Variants in CCDC171 observed in about 807,000 individuals in gnomAD.
The protein encoded by CCDC171 is coiled-coil domain containing 171, also known as coiled-coil domain-containing protein 171.
In CCDC171, 177 loss-of-function variants were observed where a neutral mutation model predicts 168.2. The ratio of observed to expected loss-of-function variants is 1.05; its 90% CI spans 0.93 to 1.19. The LOEUF is 1.19. Among genes scored for constraint, CCDC171 ranks in the 50% most tolerant of loss-of-function variants. The pLI is 0.00. For missense variants in CCDC171, 1,991 were observed against 1,539.0 expected (o/e 1.29, Z -4.91); for synonymous variants, 687 against 540.8 (o/e 1.27, Z -3.75).
At chr9:15,769,187 A>G (rs991942340) in intron 18 of CCDC171, among the ~76,000 whole-genome samples, 1 of 152,248 alleles carries the variant, frequency 6.6e-6, no homozygotes, top group Non-Finnish European at 1.5e-5. Context: ...ATTTCTTAGA[A>G]GATGCAGAAG....
chr9:15,623,733 G>A (rs530663090), intron 7 of CCDC171, among the ~76,000 whole-genome samples: 28 of 152,224 alleles, frequency 1.8e-4, no homozygotes, highest in Admixed American at 9.2e-4. Flanking sequence ...TTATTAGGTT[G>A]AGAAAGCAAC....
At position 15,821,672 on chromosome 9, in the gene CCDC171, G is replaced by T. The variant is rs1464740072; in HGVS notation, c.3268-25030G>T. ...AGGAGAACTACAAACCACTGCTCAAGGAAATAAAAGAGGATTCAAACAAAT... is the reference window on the plus strand; with the variant it reads ...AGGAGAACTACAAACCACTGCTCAATGAAATAAAAGAGGATTCAAACAAAT... On this transcript the variant is annotated intron_variant, in intron 21 of 25. Coordinates refer to ENST00000380701, the MANE Select transcript of CCDC171 (RefSeq NM_173550.4). Among the ~76,000 whole-genome samples the T allele has an allele frequency of 1.7e-5, 2 of 116,210 alleles. 1 individual carries two copies. The highest frequency in any genetic ancestry group is 3.8e-5 in the Non-Finnish European group (2 of 51,988). 76.2% of individuals were successfully genotyped at this position (116,210 alleles called of 152,430 possible).
intron 3 of CCDC171, among the ~76,000 whole-genome samples, chr9:16,014,547 A>T (rs930308226): frequency 6.6e-6 from 1 of 152,192 alleles, no homozygotes; most frequent in Non-Finnish European, 1.5e-5. Context: ...GCCCAGATCC[A>T]TCAGGGGAAT....
At chr9:15,658,591 A>C (rs1286361152) in intron 8 of CCDC171, among the ~76,000 whole-genome samples, 2 of 152,188 alleles carry the variant, frequency 1.3e-5, no homozygotes, top group Non-Finnish European at 2.9e-5. Flanking sequence ...GTCCCAGTTT[A>C]TCTAGTTGAG....
Position 15,801,861 on chromosome 9 carries a change from C to T in CCDC171, c.3267+17167C>T, listed in dbSNP as rs539909281. Among the ~76,000 whole-genome samples the T allele has an allele frequency of 1.2e-3, 176 of 152,100 alleles. 1 individual carries two copies. Among genetic ancestry groups the T allele is most frequent in the Middle Eastern group, 3.4e-3 (1 of 294 alleles). ...GTTGAATTTTATCAAATGCTTCTGTCAGCATCAATTGAAATGATTATATGG... is the reference window on the plus strand; with the variant it reads ...GTTGAATTTTATCAAATGCTTCTGTTAGCATCAATTGAAATGATTATATGG... On this transcript the variant is annotated intron_variant, in intron 21 of 25. Transcript: ENST00000380701.
At chr9:16,058,631 C>A (rs1309134715) in intron 1 of CCDC171, among the ~76,000 whole-genome samples, 6 of 152,160 alleles carry the variant, frequency 3.9e-5, no homozygotes, top group Admixed American at 2.0e-4. Context: ...CACAAAGAGA[C>A]CTTGTAATAG....
chr9:15,985,520 A>C (rs1831957934), intron 3 of CCDC171, among the ~76,000 whole-genome samples: 1 of 152,194 alleles, frequency 6.6e-6, no homozygotes, highest in Non-Finnish European at 1.5e-5. Context: ...AATTTCCAAA[A>C]ATGACCTATT....
At chr9:15,909,722 A>C (rs1823329597) in intron 24 of CCDC171, among the ~76,000 whole-genome samples, 1 of 152,200 alleles carries the variant, frequency 6.6e-6, no homozygotes. Context: ...TAAGTCTAAT[A>C]AATGAGCAAC....
At chr9:15,914,542 G>T (rs535813687) in intron 24 of CCDC171, among the ~76,000 whole-genome samples, 4 of 152,166 alleles carry the variant, frequency 2.6e-5, no homozygotes, top group African/African-American at 4.8e-5. Flanking sequence ...TGCTGTGCTG[G>T]CAGCGAGAAT....
At chr9:15,963,153 G>A (rs1057100296) in intron 25 of CCDC171, among the ~76,000 whole-genome samples, 1 of 152,022 alleles carries the variant, frequency 6.6e-6, no homozygotes, top group Non-Finnish European at 1.5e-5. Flanking sequence ...GACACAGGAA[G>A]GGGAACATCA....
Position 15,787,966 on chromosome 9 carries a change from T to C in CCDC171, c.3267+3272T>C, listed in dbSNP as rs202090355. Among the ~76,000 whole-genome samples the C allele has an allele frequency of 1.3e-4, 20 of 152,222 alleles. 1 individual carries two copies. The highest frequency in any genetic ancestry group is 4.6e-4 in the African/African-American group (19 of 41,460). ...GCTTTGGAAAAGCATCTTTGTCATT[T>C]TGAAGTCTTTTTCTCTGTTATAGTT... On this transcript the variant is annotated intron_variant, in intron 21 of 25. Coordinates refer to ENST00000380701, the MANE Select transcript of CCDC171 (RefSeq NM_173550.4).
intron 24 of CCDC171, among the ~76,000 whole-genome samples, chr9:15,913,666 C>T (rs967126233): frequency 6.6e-6 from 1 of 152,102 alleles, no homozygotes; most frequent in Non-Finnish European, 1.5e-5. Context: ...ATTCATTTTC[C>T]ATCCAGTTTT....
intron 25 of CCDC171, among the ~76,000 whole-genome samples, chr9:15,959,424 A>C (rs1280317363): frequency 6.6e-6 from 1 of 152,196 alleles, no homozygotes; most frequent in Non-Finnish European, 1.5e-5. Context: ...TTCAAATAGT[A>C]AGCAAACATA....
chr9:16,019,974 A>G (rs951697654), intron 3 of CCDC171, among the ~76,000 whole-genome samples: 2 of 152,186 alleles, frequency 1.3e-5, no homozygotes, highest in African/African-American at 4.8e-5. Context: ...AAGAAACAGA[A>G]AATATAATAG....
intron 21 of CCDC171, among the ~76,000 whole-genome samples, chr9:15,787,053 C>G (rs1278489495): frequency 6.6e-6 from 1 of 152,090 alleles, no homozygotes; most frequent in African/African-American, 2.4e-5. Context: ...ACACGCGTGA[C>G]AGTATCATCA....
At chr9:15,867,356 A>G (rs767170514) in intron 23 of CCDC171, among the ~76,000 whole-genome samples, 5 of 152,234 alleles carry the variant, frequency 3.3e-5, no homozygotes, top group Non-Finnish European at 5.9e-5. Context: ...TACAAAGAAT[A>G]ATTTTTAATT....
At chr9:15,965,588 T>G (rs555367128) in intron 25 of CCDC171, among the ~76,000 whole-genome samples, 1 of 152,366 alleles carries the variant, frequency 6.6e-6, no homozygotes, top group Admixed American at 6.5e-5. Context: ...AGATAACGCC[T>G]GTAAAACTAA....
intron 3 of CCDC171, among the ~76,000 whole-genome samples, chr9:15,573,578 C>T (rs1228383543): frequency 3.9e-5 from 6 of 151,926 alleles, no homozygotes; most frequent in South Asian, 2.1e-4. Context: ...CACTGTGCCC[C>T]GCCCAATTGA....
At chr9:15,840,560 G>A (rs898925175) in intron 21 of CCDC171, among the ~76,000 whole-genome samples, 1 of 152,074 alleles carries the variant, frequency 6.6e-6, no homozygotes, top group Non-Finnish European at 1.5e-5. Context: ...TTTTGTTATA[G>A]CAGCATCATG....
Sources: gnomAD v4.1 joint callset for allele counts (sites outside exome capture counted in the v4.1 genomes callset) on GRCh38, gnomAD v4.1.1 for gene constraint, MANE v1.5 for transcripts, NCBI Gene and HGNC (gene_info 2026-07-23, HGNC 2026-07-21) for gene names.